MAMSTR: variants seen among roughly 807,000 people sequenced by gnomAD.
MAMSTR encodes MEF2 activating motif and SAP domain containing transcriptional regulator.
MAMSTR carries 41 observed loss-of-function variants against 42.7 expected under a neutral mutation model. The ratio of observed to expected loss-of-function variants is 0.96; its 90% CI spans 0.75 to 1.25. The LOEUF is 1.25. Among genes scored for constraint, MAMSTR ranks in the 50% most tolerant of loss-of-function variants. MAMSTR has a pLI of 0.00. For synonymous variants in MAMSTR, 265 were observed against 244.1 expected, an observed-to-expected ratio of 1.09 and a Z score of -0.80; for missense variants, 567 against 557.6, an observed-to-expected ratio of 1.02 and a Z score of -0.17.
intron 2 of MAMSTR, chr19:48,717,003 C>A: frequency 8.9e-7 from 1 of 1,129,288 alleles, no homozygotes; most frequent in Non-Finnish European, 1.1e-6. Flanking sequence ...CAGCCCTGCC[C>A]CCGGCTCCAC....
chr19:48,709,892 CAG>C (rs1380580162), downstream of MAMSTR, among the ~76,000 whole-genome samples: 3 of 151,922 alleles, frequency 2.0e-5, no homozygotes, highest in African/African-American at 4.8e-5. Flanking sequence ...TTCTTTGAGA[CAG>C]AGTCTCACTC....
intron 2 of MAMSTR, 195 bp from the exon 3 acceptor site, chr19:48,716,938 G>A (rs1387348778): frequency 1.3e-5 from 16 of 1,193,912 alleles, no homozygotes; most frequent in South Asian, 4.3e-5. Flanking sequence ...CCAGCGCAGC[G>A]CCGCGGGCCA....
Position 48,715,344 on chromosome 19 carries a change from C to T in MAMSTR, c.343G>A (p.Asp115Asn), listed in dbSNP as rs1246096708. 3 of 1,560,202 alleles carry T rather than the reference C, an allele frequency of 1.9e-6. No homozygotes were observed. Among genetic ancestry groups the T allele is most frequent in the East Asian group, 2.3e-5 (1 of 43,526 alleles). The change falls in exon 5 of 10, where the codon GAC becomes AAC. Residue 115 changes from aspartate (D) to asparagine (N), a missense_variant. Physicochemically the swap from Asp to Asn is conservative, Grantham distance 23. Transcript: ENST00000318083. Reference protein sequence around the residue: ...PPEPRQGSRADPQAEGSALGP... With the variant: ...PPEPRQGSRANPQAEGSALGP... ...AGGGCGGACCCCTCGGCTTGGGGGT[C>T]CGCCCTGGATCCCTGTCTCGGCTCT...
rs148024152 is a variant in MAMSTR at position 48,719,256 on chromosome 19, A to C, written c.-21-204T>G. Among the ~76,000 whole-genome samples, 1,219 of 152,084 alleles carry C rather than the reference A, an allele frequency of 8.0e-3. 15 individuals carry two copies. The highest frequency in any genetic ancestry group is 0.027 in the African/African-American group (1,131 of 41,472). ...GGACACCTTGCTCCGAGGAAGGAGG[A>C]AGCTGGGGACCCAGACACCTGGTCT... On this transcript the variant is annotated intron_variant, in intron 1 of 9. Transcript: ENST00000318083. This position sits in a 1 kb window ranked among gnomAD's most constrained non-coding sequence, Gnocchi z 4.4.
chr19:48,710,434 TTTTG>T (rs1370876507), downstream of MAMSTR, among the ~76,000 whole-genome samples: 859 of 125,420 alleles, frequency 6.8e-3, 13 homozygotes, highest in African/African-American at 0.021. Flanking sequence ...TTTTTTTTTT[TTTTG>T]AAACACAGGA....
At chr19:48,718,106 G>A (rs907760853) in intron 2 of MAMSTR, among the ~76,000 whole-genome samples, 2 of 152,186 alleles carry the variant, frequency 1.3e-5, no homozygotes, top group Non-Finnish European at 2.9e-5. Context: ...GCCTCCCAAA[G>A]TGCTGGGATT....
chr19:48,714,123 C>A, intron 7 of MAMSTR, 78 bp from the exon 8 acceptor site: 1 of 1,420,374 alleles, frequency 7.0e-7, no homozygotes, highest in East Asian at 2.4e-5. Context: ...CGTGTGGCTC[C>A]ACCCCTTGAT....
At chr19:48,708,254 G>A (rs1373714210), downstream of MAMSTR, among the ~76,000 whole-genome samples, 67 of 129,704 alleles carry the variant, frequency 5.2e-4, no homozygotes, top group African/African-American at 1.6e-3. Context: ...AAAAAAAAAA[G>A]AAGAAGAAGG....
intron 2 of MAMSTR, among the ~76,000 whole-genome samples, chr19:48,717,244 T>C (rs2033079741): frequency 6.6e-6 from 1 of 152,196 alleles, no homozygotes; most frequent in Non-Finnish European, 1.5e-5. Flanking sequence ...TGCATGTTTT[T>C]GCAGACTCTT....
downstream of MAMSTR, among the ~76,000 whole-genome samples, chr19:48,710,366 C>T (rs562194597): frequency 7.9e-4 from 119 of 150,094 alleles, 2 homozygotes; most frequent in Non-Finnish European, 1.6e-3. Flanking sequence ...CCACCCGCCT[C>T]GGCCTCCCAA....
chr19:48,710,660 G>A (rs1271634866), downstream of MAMSTR, among the ~76,000 whole-genome samples: 7 of 147,050 alleles, frequency 4.8e-5, no homozygotes, highest in Admixed American at 4.1e-4. Context: ...GCAGTGGCGC[G>A]ATCTTGGCTC....
At chr19:48,717,438 C>T (rs1389080161) in intron 2 of MAMSTR, among the ~76,000 whole-genome samples, 1 of 151,780 alleles carries the variant, frequency 6.6e-6, no homozygotes, top group East Asian at 1.9e-4. Context: ...CCTAAGTCTC[C>T]TGAGTACCTG....
Position 48,715,295 on chromosome 19 carries a change from C to A in MAMSTR, c.392G>T (p.Trp131Leu). ...SALGPPGPSL[W>L]EGTDSQQPHP... ...TGGCTGCTGCGAGTCTGTCCCTTCC[C>A]ACAGAGATGGCCCAGGAGGACCCAG... The change falls in exon 5 of 10, where the codon TGG (tryptophan) becomes TTG (leucine). Residue 131 changes from tryptophan (W) to leucine (L), a missense_variant. Trp to Leu is a moderately conservative substitution (Grantham distance 61). Coordinates refer to ENST00000318083, the MANE Select transcript of MAMSTR (RefSeq NM_001130915.2). 2.5e-6 allele frequency: 4 copies of A among 1,596,088 alleles called. No homozygotes were observed. Among genetic ancestry groups the A allele is most frequent in the Non-Finnish European group, 3.4e-6 (4 of 1,172,580 alleles).
At position 48,715,628 on chromosome 19, in the gene MAMSTR, C is replaced by T. The variant is rs2032982157; in HGVS notation, c.237G>A (p.Lys79=). The change falls in exon 4 of 10, where the codon AAG becomes AAA. Residue 79 remains lysine (K), a synonymous_variant. Transcript: ENST00000318083. ...TCTCCCTCCAGTCGAGACTCACCTT[C>T]TTTGGGGACCTCCAAGGAGGACAAT... ...PEYCPPWRSP[K]KESPKISQRW... 1.3e-6 allele frequency: 2 copies of T among 1,539,114 alleles called. No individual in the cohort carries two copies. The highest frequency in any genetic ancestry group is 2.2e-5 in the Admixed American group (1 of 46,310).
At position 48,719,085 on chromosome 19, in the gene MAMSTR, T is replaced by A; in HGVS notation, c.-21-33A>T. On this transcript the variant is annotated intron_variant, in intron 1 of 9. Coordinates refer to ENST00000318083, the MANE Select transcript of MAMSTR (RefSeq NM_001130915.2). The surrounding 1 kb of genome is among the most constrained non-coding windows in gnomAD (Gnocchi z 4.4). Reference sequence around the variant, plus strand: ...GAGAGGGGGCAGGGCAGGGGCCCCATAGAGGGCTGGCTCAGAGTGGAGGTC... The same window carrying A: ...GAGAGGGGGCAGGGCAGGGGCCCCAAAGAGGGCTGGCTCAGAGTGGAGGTC... 12 of 1,488,106 alleles carry A rather than the reference T, an allele frequency of 8.1e-6. No individual in the cohort carries two copies. Among genetic ancestry groups the A allele is most frequent in the Non-Finnish European group, 1.1e-5 (12 of 1,091,978 alleles). The allele number at this position is 1,488,106 out of a possible 1,614,324, so 92.2% of individuals were successfully genotyped here. A position where few individuals can be genotyped will look rare whatever the true frequency, so the allele number is the denominator to read the frequency against.
downstream of MAMSTR, among the ~76,000 whole-genome samples, chr19:48,709,394 C>T (rs180767066): frequency 1.1e-3 from 174 of 152,186 alleles, 2 homozygotes; most frequent in African/African-American, 3.9e-3. Flanking sequence ...GTGATCCGCC[C>T]GCCTCGGCCT....
Position 48,714,271 on chromosome 19 carries a change from G to A in MAMSTR, c.723+95C>T, listed in dbSNP as rs953752687. The A allele has an allele frequency of 4.1e-5, 45 of 1,110,154 alleles. No homozygotes were observed. The Middle Eastern group carries it at 8.9e-4, about 22-fold the overall frequency. 68.8% of individuals were successfully genotyped at this position (1,110,154 alleles called of 1,614,324 possible). Reference sequence around the variant, plus strand: ...TCAAGGCTTCCTACCGCTGGTCCTCGCCCCCACACTTCATTGGCTAGTTTT... The same window carrying A: ...TCAAGGCTTCCTACCGCTGGTCCTCACCCCCACACTTCATTGGCTAGTTTT... On this transcript the variant is annotated intron_variant, in intron 7 of 9. Coordinates refer to ENST00000318083, the MANE Select transcript of MAMSTR (RefSeq NM_001130915.2).
rs779669262 is a variant in MAMSTR, at chr19:48,716,732, G to A, written c.70C>T (p.Arg24Trp). 6 of 1,330,242 alleles carry A rather than the reference G, an allele frequency of 4.5e-6. No individual in the cohort carries two copies. The highest frequency in any genetic ancestry group is 5.8e-6 in the Non-Finnish European group (6 of 1,029,786). The allele number at this position is 1,330,242 out of a possible 1,614,324, so 82.4% of individuals were successfully genotyped here. A position where few individuals can be genotyped will look rare whatever the true frequency, so the allele number is the denominator to read the frequency against. ...RSKFRSVLQL[R>W]IHRRNQEQIS... ...TGCTCCTGATTCCGTCTGTGGATCC[G>A]AAGCTGGAGGACTGTGGAGGGAGGA... is the stretch of plus-strand genomic sequence containing the variant. The change falls in exon 3 of 10, where the codon CGG becomes TGG. Residue 24 changes from arginine to tryptophan, a missense_variant. Arg to Trp is a moderately radical substitution (Grantham distance 101). Coordinates refer to ENST00000318083, the MANE Select transcript of MAMSTR (RefSeq NM_001130915.2).
downstream of MAMSTR, among the ~76,000 whole-genome samples, chr19:48,711,393 TC>T (rs2032722546): frequency 6.6e-6 from 1 of 152,154 alleles, no homozygotes; most frequent in African/African-American, 2.4e-5. Context: ...TGATGTGCCA[TC>T]TTGTATGTGC....
Sources: gnomAD v4.1 joint callset for allele counts (sites outside exome capture counted in the v4.1 genomes callset) on GRCh38, gnomAD v4.1.1 for gene constraint, Gnocchi (gnomAD v3.1) non-coding constraint, MANE v1.5 for transcripts, NCBI Gene and HGNC (gene_info 2026-07-23, HGNC 2026-07-21) for gene names.